SDCCAG8: variants seen among roughly 807,000 people sequenced by gnomAD.
SDCCAG8 encodes the protein serologically defined colon cancer antigen 8.
In SDCCAG8, 74 loss-of-function variants were observed where a neutral mutation model predicts 101.8. The observed-to-expected ratio is 0.73, with a 90% CI of 0.60 to 0.88. SDCCAG8 has a LOEUF of 0.88. SDCCAG8 is among the 40% of genes least tolerant of loss of function. The probability of loss-of-function intolerance (pLI) is 0.00; values close to 1 mark genes in which losing one functional copy is unlikely to be tolerated. For missense variants in SDCCAG8, 787 were observed against 822.6 expected (o/e 0.96, Z 0.53); for synonymous variants, 281 against 292.9 (o/e 0.96, Z 0.41).
intron 17 of SDCCAG8, among the ~76,000 whole-genome samples, chr1:243,498,480 C>G (rs1246978349): frequency 6.6e-6 from 1 of 152,144 alleles, no homozygotes; most frequent in African/African-American, 2.4e-5. Flanking sequence ...CTGCCGGAGC[C>G]CCACCTGCAT....
At chr1:243,327,458 AAATTAT>A (rs1407857361) in intron 9 of SDCCAG8, among the ~76,000 whole-genome samples, 13 of 147,696 alleles carry the variant, frequency 8.8e-5, no homozygotes, top group Admixed American at 2.0e-4. Flanking sequence ...GTAGAAATTA[AAATTAT>A]AATTATAATT....
In SDCCAG8 at chr1:243,499,831, A is replaced by G; in HGVS notation, c.*46A>G. ...ATAAATGATTTACAAAGAGATATTT[A>G]CATTCATCTGGTTTAGACTTAATAT... is the stretch of plus-strand genomic sequence containing the variant. On this transcript the variant is annotated 3_prime_UTR_variant, in exon 18 of 18. Coordinates refer to ENST00000366541, the MANE Select transcript of SDCCAG8 (RefSeq NM_006642.5). The G allele has an allele frequency of 6.3e-7, 1 of 1,586,784 alleles. No homozygotes were observed.
At chr1:243,305,355 A>G (rs1202386666) in intron 7 of SDCCAG8, 1 of 152,072 alleles carries the variant, frequency 6.6e-6, no homozygotes, top group Non-Finnish European at 1.5e-5. Context: ...CTCTTATAGA[A>G]ATTATGATAT....
chr1:243,268,298 A>C (rs1226501463), intron 1 of SDCCAG8, among the ~76,000 whole-genome samples: 1 of 152,232 alleles, frequency 6.6e-6, no homozygotes, highest in Non-Finnish European at 1.5e-5. Flanking sequence ...ATTGCTTATC[A>C]TGTAACACTT....
intron 15 of SDCCAG8, among the ~76,000 whole-genome samples, chr1:243,419,870 G>T (rs181930048): frequency 8.5e-5 from 13 of 152,232 alleles, no homozygotes; most frequent in Admixed American, 6.5e-4. Flanking sequence ...TGTGCCCCTA[G>T]GCCCTCTTTT....
intron 16 of SDCCAG8, among the ~76,000 whole-genome samples, chr1:243,483,110 C>T (rs552477903): frequency 9.3e-4 from 142 of 152,316 alleles, no homozygotes; most frequent in Non-Finnish European, 1.7e-3. Context: ...CGCCCTGAAA[C>T]GGACGCTGGA....
In SDCCAG8 at chr1:243,270,969, G is replaced by A; in HGVS notation, c.221-9G>A. The A allele has an allele frequency of 6.2e-7, 1 of 1,602,914 alleles. No individual in the cohort carries two copies. Among genetic ancestry groups the A allele is most frequent in the Non-Finnish European group, 8.5e-7 (1 of 1,170,082 alleles). ...TAAGGTTAATAAACCCTCTGCTTTT[G>A]CTCTATAGTTAATCAGCTCAAAGAT... On this transcript the variant is annotated splice_polypyrimidine_tract_variant and intron_variant, in intron 2 of 17. Coordinates refer to ENST00000366541, the MANE Select transcript of SDCCAG8 (RefSeq NM_006642.5).
chr1:243,361,195 C>T (rs1002080557), intron 12 of SDCCAG8, among the ~76,000 whole-genome samples: 4 of 152,176 alleles, frequency 2.6e-5, no homozygotes, highest in African/African-American at 4.8e-5. Flanking sequence ...TTTTCTTCGC[C>T]GGGTTCTCTG....
At chr1:243,311,010 A>G (rs928224513) in intron 8 of SDCCAG8, among the ~76,000 whole-genome samples, 2 of 152,232 alleles carry the variant, frequency 1.3e-5, no homozygotes, top group African/African-American at 2.4e-5. Flanking sequence ...TGGTGGAAAT[A>G]CTTTGGAAGT....
chr1:243,378,679 T>A (rs2077745211), intron 12 of SDCCAG8, 42 bp from the exon 13 acceptor site: 2 of 1,601,062 alleles, frequency 1.2e-6, no homozygotes, highest in Non-Finnish European at 1.7e-6. Context: ...TTCAAGTGCA[T>A]GTATTTTATA....
At chr1:243,256,957 CTG>C (rs1308951553) in intron 1 of SDCCAG8, among the ~76,000 whole-genome samples, 1 of 152,168 alleles carries the variant, frequency 6.6e-6, no homozygotes, top group Admixed American at 6.5e-5. Flanking sequence ...CAAATAATGT[CTG>C]TATTTATTTT....
At chr1:243,292,483 C>T in intron 5 of SDCCAG8, among the ~76,000 whole-genome samples, 1 of 152,100 alleles carries the variant, frequency 6.6e-6, no homozygotes, top group East Asian at 1.9e-4. Flanking sequence ...TGTCAGGAAC[C>T]AGGGACAGAG....
At chr1:243,425,392 T>C (rs2081275580) in intron 15 of SDCCAG8, among the ~76,000 whole-genome samples, 1 of 152,118 alleles carries the variant, frequency 6.6e-6, no homozygotes, top group African/African-American at 2.4e-5. Context: ...TTTTGCTCCA[T>C]ACACGTGAGC....
chr1:243,487,585 C>T (rs1665239383), intron 16 of SDCCAG8, among the ~76,000 whole-genome samples: 4 of 152,106 alleles, frequency 2.6e-5, no homozygotes, highest in Admixed American at 2.6e-4. Context: ...CAGGGCCTGG[C>T]TGTTGCCCAG....
At chr1:243,453,530 C>T (rs1349486398) in intron 16 of SDCCAG8, among the ~76,000 whole-genome samples, 1 of 152,136 alleles carries the variant, frequency 6.6e-6, no homozygotes, top group Non-Finnish European at 1.5e-5. Context: ...CTGAGCTCTA[C>T]AAGAGTGTGA....
chr1:243,332,683 TCCAGG>T (rs1216061336), intron 10 of SDCCAG8, among the ~76,000 whole-genome samples: 25 of 151,908 alleles, frequency 1.6e-4, no homozygotes, highest in African/African-American at 5.8e-4. Context: ...ATTATCGCAG[TCCAGG>T]TCTGGAGGTG....
chr1:243,264,099 G>A (rs936176742), intron 1 of SDCCAG8, among the ~76,000 whole-genome samples: 4 of 152,136 alleles, frequency 2.6e-5, no homozygotes, highest in South Asian at 2.1e-4. Context: ...TGGGCGCTTC[G>A]CAGGGAGTGG....
chr1:243,297,266 C>T (rs886938197), intron 6 of SDCCAG8, among the ~76,000 whole-genome samples: 1 of 152,124 alleles, frequency 6.6e-6, no homozygotes, highest in Non-Finnish European at 1.5e-5. Flanking sequence ...TTACATTGGC[C>T]GAAGTTTGTT....
chr1:243,428,618 A>C (rs1035185074), intron 16 of SDCCAG8, among the ~76,000 whole-genome samples: 8 of 152,236 alleles, frequency 5.3e-5, no homozygotes, highest in African/African-American at 1.9e-4. Flanking sequence ...GAATACATAA[A>C]ACATCTGTAG....
Sources: allele counts gnomAD v4.1 joint callset (sites outside exome capture counted in the v4.1 genomes callset), GRCh38; gene constraint gnomAD v4.1.1; transcripts MANE v1.5; gene names NCBI Gene and HGNC (gene_info 2026-07-23, HGNC 2026-07-21).